The following SGCD variants were observed in gnomAD, a reference collection of about 807,000 sequenced individuals.
The protein encoded by SGCD is sarcoglycan delta.
In SGCD, 18 loss-of-function variants were observed where a neutral mutation model predicts 36.6. That is an observed-to-expected ratio of 0.49 (90% CI 0.34 to 0.73). The LOEUF (loss-of-function observed/expected upper bound fraction) is 0.73. Among genes scored for constraint, SGCD ranks in the 30% least tolerant of loss-of-function variants. SGCD has a pLI of 0.01. For synonymous variants in SGCD, 133 were observed against 130.6 expected, an observed-to-expected ratio of 1.02 and a Z score of -0.12; for missense variants, 387 against 346.7, an observed-to-expected ratio of 1.12 and a Z score of -0.92.
intron 7 of SGCD, among the ~76,000 whole-genome samples, chr5:156,666,685 C>A: frequency 6.7e-6 from 1 of 148,702 alleles, no homozygotes; most frequent in African/African-American, 2.5e-5. Flanking sequence ...CAAAGCACAT[C>A]CTGCACCGCC....
Position 156,344,515 on chromosome 5 carries a change from C to G in SGCD, c.30C>G (p.His10Gln). Reference sequence around the variant, plus strand: ...TGCCTCAGGAGCAGTACACTCACCACCGGAGCACCATGCCTGGCTCTGTGG... The same window carrying G: ...TGCCTCAGGAGCAGTACACTCACCAGCGGAGCACCATGCCTGGCTCTGTGG... MMPQEQYTHHRSTMPGSVGP... is the reference protein window; with the variant it reads MMPQEQYTHQRSTMPGSVGP... Residue 10 changes from histidine (H) to glutamine (Q), a missense_variant, in exon 3 of 9, where the codon CAC becomes CAG. By Grantham distance (24) the His-to-Gln change is conservative (BLOSUM62 0). Coordinates refer to ENST00000337851, the MANE Select transcript of SGCD (RefSeq NM_000337.6). 1 of 1,607,762 alleles carries G rather than the reference C, an allele frequency of 6.2e-7. No homozygotes were observed. Among genetic ancestry groups the G allele is most frequent in the Non-Finnish European group, 8.5e-7 (1 of 1,177,216 alleles).
chr5:156,105,932 GA>G lies in SGCD; in HGVS notation c.-281-11943del, dbSNP rs571673414. 7.2e-4 allele frequency among the ~76,000 whole-genome samples: 109 copies of G among 151,800 alleles called. 1 individual carries two copies. The East Asian group carries it at 0.019, about 26-fold the overall frequency. Reference sequence around the variant, plus strand: ...TCAAGACCTGCCTGGCGAAGATGGTGAAACCCCGTCTCTACTAAAAATACAA... The same window carrying G: ...TCAAGACCTGCCTGGCGAAGATGGTGAACCCCGTCTCTACTAAAAATACAA... On this transcript the variant is annotated intron_variant, in intron 1 of 9. Transcript: ENST00000517913.
At position 156,354,821 on chromosome 5, in the gene SGCD, G is replaced by A. The variant is rs1332482192; in HGVS notation, c.192+10144G>A. ...AATCCCAAGGGCTTGCTGCCACTGAGAACCTGCAGGTCAGTCCTTCCATGG... is the reference window on the plus strand; with the variant it reads ...AATCCCAAGGGCTTGCTGCCACTGAAAACCTGCAGGTCAGTCCTTCCATGG... On this transcript the variant is annotated intron_variant, in intron 3 of 8. Coordinates refer to ENST00000337851, the MANE Select transcript of SGCD (RefSeq NM_000337.6). Among the ~76,000 whole-genome samples, 7 of 152,270 alleles carry A rather than the reference G, an allele frequency of 4.6e-5. No individual in the cohort carries two copies. In the East Asian group the frequency reaches 1.4e-3, roughly 29 times the overall value.
rs552499385 is a variant in SGCD at position 156,235,054 on chromosome 5, A to G, written c.-43-94480A>G. 3.3e-5 allele frequency among the ~76,000 whole-genome samples: 5 copies of G among 152,336 alleles called. No homozygotes were observed. The East Asian group carries it at 9.6e-4, about 29-fold the overall frequency. ...AGATTTTCTTATAATATTCATGATA[A>G]TTGCCTATAAATCAAAGTCTAGAGC... is the stretch of plus-strand genomic sequence containing the variant. On this transcript the variant is annotated intron_variant, in intron 3 of 9. Coordinates refer to the SGCD transcript ENST00000517913.
intron 3 of SGCD, among the ~76,000 whole-genome samples, chr5:156,292,882 G>T (rs909502162): frequency 6.6e-6 from 1 of 151,918 alleles, no homozygotes; most frequent in Non-Finnish European, 1.5e-5. Context: ...ATGCTTATTG[G>T]CCATTTGTTA....
At chr5:156,026,198 C>A (rs1759223331) in intron 1 of SGCD, among the ~76,000 whole-genome samples, 1 of 152,148 alleles carries the variant, frequency 6.6e-6, no homozygotes, top group African/African-American at 2.4e-5. Context: ...AGATTGACAA[C>A]AAATATCAGG....
chr5:156,430,391 T>G (rs1773883821), intron 3 of SGCD, among the ~76,000 whole-genome samples: 1 of 152,068 alleles, frequency 6.6e-6, no homozygotes, highest in South Asian at 2.1e-4. Flanking sequence ...TTCTGGAAAG[T>G]TTTTTATTCA....
chr5:156,418,857 A>G (rs1386176922), intron 3 of SGCD, among the ~76,000 whole-genome samples: 1 of 152,184 alleles, frequency 6.6e-6, no homozygotes, highest in Non-Finnish European at 1.5e-5. Flanking sequence ...GCTCTCTTCT[A>G]TTGCTAGACC....
At chr5:156,606,528 G>A (rs1486318497) in intron 6 of SGCD, among the ~76,000 whole-genome samples, 1 of 152,110 alleles carries the variant, frequency 6.6e-6, no homozygotes, top group Non-Finnish European at 1.5e-5. Context: ...TGGCAATGTA[G>A]GTTCTTTTTT....
At chr5:156,551,668 G>T (rs1758804190) in intron 4 of SGCD, among the ~76,000 whole-genome samples, 1 of 152,152 alleles carries the variant, frequency 6.6e-6, no homozygotes, top group African/African-American at 2.4e-5. Context: ...AAGAAACCAT[G>T]CATGATCTTG....
chr5:155,878,176 C>T (rs1035726190), intron 1 of SGCD, among the ~76,000 whole-genome samples: 1 of 151,932 alleles, frequency 6.6e-6, no homozygotes, highest in Non-Finnish European at 1.5e-5. Flanking sequence ...ACAACAACAA[C>T]AAAAAAGTGA....
At chr5:156,224,606 A>G (rs1424746731) in intron 3 of SGCD, among the ~76,000 whole-genome samples, 1 of 152,172 alleles carries the variant, frequency 6.6e-6, no homozygotes, top group Non-Finnish European at 1.5e-5. Context: ...TTACTAGTCT[A>G]TCTCAGATTA....
intron 3 of SGCD, among the ~76,000 whole-genome samples, chr5:156,505,087 A>G (rs1756637483): frequency 6.6e-6 from 1 of 152,230 alleles, no homozygotes; most frequent in African/African-American, 2.4e-5. Flanking sequence ...GCTATCAGAA[A>G]TGATCACTAA....
chr5:156,344,805 GGT>G, intron 3 of SGCD, 128 bp downstream of exon 3: 1 of 641,610 alleles, frequency 1.6e-6, no homozygotes, highest in South Asian at 2.2e-5. Flanking sequence ...CTCGTGTTTT[GGT>G]GAAAGAGCAT....
intron 4 of SGCD, among the ~76,000 whole-genome samples, chr5:156,552,898 T>C (rs1265276175): frequency 1.3e-5 from 2 of 152,154 alleles, no homozygotes; most frequent in Non-Finnish European, 2.9e-5. Context: ...TTAAAGAGTA[T>C]GGTCTTAGTC....
intron 1 of SGCD, among the ~76,000 whole-genome samples, chr5:156,019,076 T>C (rs1759046222): frequency 6.6e-6 from 1 of 152,206 alleles, no homozygotes; most frequent in East Asian, 1.9e-4. Context: ...ATCATCTGTT[T>C]CCCTAGCTCA....
intron 1 of SGCD, among the ~76,000 whole-genome samples, chr5:156,087,848 T>C (rs1405728008): frequency 6.6e-6 from 1 of 152,164 alleles, no homozygotes; most frequent in Non-Finnish European, 1.5e-5. Flanking sequence ...GCGAAAAATG[T>C]ACTTGGTTCA....
chr5:156,423,425 A>ATAAT (rs1561686102), intron 3 of SGCD, among the ~76,000 whole-genome samples: 1 of 113,014 alleles, frequency 8.8e-6, no homozygotes, highest in African/African-American at 3.5e-5. Flanking sequence ...ATTATATTTT[A>ATAAT]ATAAAATATA....
chr5:156,226,360 G>T (rs1414925946), intron 3 of SGCD, among the ~76,000 whole-genome samples: 1 of 152,068 alleles, frequency 6.6e-6, no homozygotes, highest in South Asian at 2.1e-4. Context: ...TACAATAAGA[G>T]TCTCCAATCT....
Sources: gnomAD v4.1 joint callset for allele counts (sites outside exome capture counted in the v4.1 genomes callset) on GRCh38, gnomAD v4.1.1 for gene constraint, MANE v1.5 for transcripts, NCBI Gene and HGNC (gene_info 2026-07-23, HGNC 2026-07-21) for gene names.